RNFT2: variants seen among roughly 807,000 people sequenced by gnomAD.
RNFT2 encodes the protein ring finger protein, transmembrane 2.
In RNFT2, 36 loss-of-function variants were observed where a neutral mutation model predicts 53.0. That is an observed-to-expected ratio of 0.68 (90% CI 0.52 to 0.90). The LOEUF is 0.90. Ranked by LOEUF, RNFT2 falls within the 40% of genes least tolerant of loss-of-function variation. The pLI is 0.00. For missense variants in RNFT2, 514 were observed against 585.6 expected (o/e 0.88, Z 1.26); for synonymous variants, 260 against 253.2 (o/e 1.03, Z -0.26).
At chr12:116,812,725 G>T (rs1025868877) in intron 7 of RNFT2, among the ~76,000 whole-genome samples, 2 of 152,022 alleles carry the variant, frequency 1.3e-5, no homozygotes, top group African/African-American at 4.8e-5. Context: ...GTAGAGATGG[G>T]GTTTTACCAT....
chr12:116,824,985 CAGG>C (rs1876248171), intron 7 of RNFT2, among the ~76,000 whole-genome samples: 1 of 152,122 alleles, frequency 6.6e-6, no homozygotes, highest in South Asian at 2.1e-4. Flanking sequence ...TTTTGCAGGT[CAGG>C]AGTTCAGTCA....
chr12:116,780,140 G>A (rs955218712), intron 7 of RNFT2, among the ~76,000 whole-genome samples: 1 of 152,182 alleles, frequency 6.6e-6, no homozygotes, highest in African/African-American at 2.4e-5. Flanking sequence ...TCGATCTTGA[G>A]TGGTAACTAA....
chr12:116,777,189 A>T (rs1873468868), intron 6 of RNFT2, among the ~76,000 whole-genome samples: 1 of 152,082 alleles, frequency 6.6e-6, no homozygotes, highest in Admixed American at 6.5e-5. Context: ...AAGTGCTGGG[A>T]TTACAGTCGT....
chr12:116,775,366 C>T (rs1193926684), intron 6 of RNFT2, among the ~76,000 whole-genome samples: 13 of 151,522 alleles, frequency 8.6e-5, no homozygotes, highest in Admixed American at 8.6e-4. Flanking sequence ...GTATGTGACA[C>T]CAACAACCAT....
At chr12:116,789,660 TGGA>T in intron 7 of RNFT2, among the ~76,000 whole-genome samples, 1 of 127,952 alleles carries the variant, frequency 7.8e-6, no homozygotes, top group African/African-American at 3.0e-5. Flanking sequence ...GATGGATGGA[TGGA>T]TGGATAAATG....
intron 7 of RNFT2, among the ~76,000 whole-genome samples, chr12:116,806,130 C>T (rs764439039): frequency 3.3e-5 from 5 of 152,014 alleles, no homozygotes; most frequent in Admixed American, 6.6e-5. Context: ...CCTGTAATTT[C>T]AGCACTTTGG....
At chr12:116,804,972 A>G (rs1355407644) in intron 7 of RNFT2, among the ~76,000 whole-genome samples, 2 of 152,240 alleles carry the variant, frequency 1.3e-5, no homozygotes, top group Admixed American at 1.3e-4. Context: ...GTCAAAAAAG[A>G]AAAAGAAGCT....
intron 7 of RNFT2, among the ~76,000 whole-genome samples, chr12:116,827,054 T>C (rs1876374010): frequency 6.6e-6 from 1 of 151,842 alleles, no homozygotes; most frequent in Non-Finnish European, 1.5e-5. Flanking sequence ...ACCCTGTCTC[T>C]ACTAAAATAC....
chr12:116,787,456 CCT>C (rs1396168348), intron 7 of RNFT2, among the ~76,000 whole-genome samples: 1 of 152,172 alleles, frequency 6.6e-6, no homozygotes, highest in Non-Finnish European at 1.5e-5. Flanking sequence ...ACCTGTAATC[CCT>C]GTTTTGGGAG....
chr12:116,851,755 G>A lies in RNFT2; in HGVS notation c.*2307G>A, dbSNP rs549952008. 9 of 742,352 alleles carry A rather than the reference G, an allele frequency of 1.2e-5. No homozygotes were observed. The highest frequency in any genetic ancestry group is 1.0e-4 in the South Asian group (7 of 66,714). The allele number at this position is 742,352 out of a possible 1,614,324, so 46.0% of individuals were successfully genotyped here. On this transcript the variant is annotated 3_prime_UTR_variant, in exon 11 of 11. Coordinates refer to ENST00000257575, the MANE Select transcript of RNFT2 (RefSeq NM_001382266.1). ...GTGAGACTCTGTCTAAAAAAAAAAA[G>A]AAAGAAAGAAGGGAGGGAGGGAGGA... is the stretch of plus-strand genomic sequence containing the variant.
intron 3 of RNFT2, among the ~76,000 whole-genome samples, chr12:116,746,560 C>T (rs894680752): frequency 2.0e-5 from 3 of 152,076 alleles, no homozygotes; most frequent in African/African-American, 4.8e-5. Context: ...GACAGATGAG[C>T]GTGCATTACC....
At chr12:116,766,055 T>G (rs1353814593) in intron 5 of RNFT2, among the ~76,000 whole-genome samples, 1 of 152,160 alleles carries the variant, frequency 6.6e-6, no homozygotes, top group Non-Finnish European at 1.5e-5. Context: ...GAGGATCACT[T>G]GAGGCCAGGA....
chr12:116,788,958 ATGG>A (rs1350184273), intron 7 of RNFT2, among the ~76,000 whole-genome samples: 14 of 596 alleles, frequency 0.023, no homozygotes, highest in Non-Finnish European at 0.049. Flanking sequence ...GAGGAGAGGG[ATGG>A]ATGGATGGAT....
rs1172533930 is a variant in RNFT2, at chr12:116,849,452, C to T, written c.*4C>T. On this transcript the variant is annotated 3_prime_UTR_variant, in exon 11 of 11. Coordinates refer to ENST00000257575, the MANE Select transcript of RNFT2 (RefSeq NM_001382266.1). ...CGCACACTTCCAGGTGTACTAGGACCGAACACTGAGGACACCCAGAAGGAC... is the reference window on the plus strand; with the variant it reads ...CGCACACTTCCAGGTGTACTAGGACTGAACACTGAGGACACCCAGAAGGAC... 18 of 1,584,054 alleles carry T rather than the reference C, an allele frequency of 1.1e-5. No homozygotes were observed. The highest frequency in any genetic ancestry group is 3.4e-5 in the Admixed American group (2 of 58,478).
chr12:116,763,793 GC>G (rs1442883784), intron 5 of RNFT2, among the ~76,000 whole-genome samples: 1 of 136,688 alleles, frequency 7.3e-6, no homozygotes, highest in African/African-American at 2.8e-5. Context: ...AAAAAAGGGG[GC>G]GGGGGGGGAA....
intron 5 of RNFT2, 61 bp downstream of exon 5, chr12:116,754,121 C>T (rs555258246): frequency 2.2e-6 from 3 of 1,366,824 alleles, no homozygotes; most frequent in South Asian, 1.2e-5. Context: ...ACAAGCCAGG[C>T]ACAGTCTTCC....
At position 116,852,872 on chromosome 12, in the gene RNFT2, T is replaced by A; in HGVS notation, c.*3424T>A. 1.5e-6 allele frequency: 1 copy of A among 669,800 alleles called. No homozygotes were observed. 41.5% of individuals were successfully genotyped at this position (669,800 alleles called of 1,614,324 possible). ...GGAAACTAACAATGTAGGTTACTAG[T>A]GAATACCCCAATGGTTTCTCCAATT... On this transcript the variant is annotated 3_prime_UTR_variant, in exon 11 of 11. Transcript: ENST00000257575.
chr12:116,846,396 T>G (rs1877614203), intron 10 of RNFT2, among the ~76,000 whole-genome samples: 1 of 148,888 alleles, frequency 6.7e-6, no homozygotes, highest in Non-Finnish European at 1.5e-5. Flanking sequence ...CACTTCAGCC[T>G]CCCAAGTAGC....
chr12:116,798,846 A>G (rs905778780), intron 7 of RNFT2, among the ~76,000 whole-genome samples: 3 of 151,820 alleles, frequency 2.0e-5, no homozygotes, highest in Admixed American at 6.6e-5. Context: ...AGTGCTGATT[A>G]CAGACATGAG....
Sources: allele counts gnomAD v4.1 joint callset (sites outside exome capture counted in the v4.1 genomes callset), GRCh38; gene constraint gnomAD v4.1.1; transcripts MANE v1.5; gene names NCBI Gene and HGNC (gene_info 2026-07-23, HGNC 2026-07-21).